Variants in ZNF581 observed in about 807,000 individuals in gnomAD.
ZNF581 encodes the protein zinc finger protein 581.
In ZNF581, 1 loss-of-function variant was observed where a neutral mutation model predicts 1.2. The ratio of observed to expected loss-of-function variants is 0.83; its 90% CI spans 0.30 to 3.95. The LOEUF (loss-of-function observed/expected upper bound fraction) is 3.95, where lower values mean the gene tolerates loss of function less well. Among genes scored for constraint, ZNF581 ranks in the 30% most tolerant of loss-of-function variants. The pLI is 0.18. For missense variants in ZNF581, 273 were observed against 274.6 expected, an observed-to-expected ratio of 0.99 and a Z score of 0.04; for synonymous variants, 105 against 109.2, an observed-to-expected ratio of 0.96 and a Z score of 0.24.
rs1982788572 is a variant in ZNF581 at position 55,645,342 on chromosome 19, C to T, written c.*177C>T. On this transcript the variant is annotated 3_prime_UTR_variant, in exon 2 of 2. Transcript: ENST00000270451. The stretch of plus-strand genomic sequence containing the variant: ...AGGAATCCGTGAGTAATCTTCAGGT[C>T]CTCCGTGTTCTGGAGCTGAGATGGG... 5.6e-6 allele frequency: 3 copies of T among 533,094 alleles called. No individual in the cohort carries two copies. Among genetic ancestry groups the T allele is most frequent in the Non-Finnish European group, 9.8e-6 (3 of 305,510 alleles). The allele number at this position is 533,094 out of a possible 1,614,324, so 33.0% of individuals were successfully genotyped here. A position where few individuals can be genotyped will look rare whatever the true frequency, so the allele number is the denominator to read the frequency against.
At chr19:55,639,006 CAAAAAAAAA>C (rs753198174), upstream of ZNF581, among the ~76,000 whole-genome samples, 13 of 88,202 alleles carry the variant, frequency 1.5e-4, no homozygotes, top group Non-Finnish European at 2.0e-4. Flanking sequence ...ACTCCATCTC[CAAAAAAAAA>C]AAAAAAAAAG....
chr19:55,644,701 G>T lies in ZNF581; in HGVS notation c.130G>T (p.Ala44Ser). 6.2e-7 allele frequency: 1 copy of T among 1,613,768 alleles called. No individual in the cohort carries two copies. The highest frequency in any genetic ancestry group is 8.5e-7 in the Non-Finnish European group (1 of 1,179,872). ...GPSSSIGSPQ[A>S]SSPPRPNHYL... ...TTCCTCCTCCATCGGATCTCCCCAG[G>T]CTTCATCTCCTCCAAGGCCCAACCA... is the stretch of plus-strand genomic sequence containing the variant. Residue 44 changes from alanine to serine, a missense_variant, in exon 2 of 2, where the codon GCT becomes TCT. Ala to Ser is a moderately conservative substitution (Grantham distance 99). Transcript: ENST00000270451. The surrounding 1 kb of genome is among the most constrained non-coding windows in gnomAD (Gnocchi z 4.3).
chr19:55,643,674 C>G lies in ZNF581; in HGVS notation c.-120C>G, dbSNP rs577199182. 1.3e-5 allele frequency: 2 copies of G among 152,422 alleles called. No homozygotes were observed. Among genetic ancestry groups the G allele is most frequent in the Non-Finnish European group, 2.9e-5 (2 of 68,198 alleles). 9.4% of individuals were successfully genotyped at this position (152,422 alleles called of 1,614,324 possible). ...CTCTTTCGGCCGGCGCCGCCAGTTCCTGGGGCACACCCAGAGGTCCCCTTC... is the reference window on the plus strand; with the variant it reads ...CTCTTTCGGCCGGCGCCGCCAGTTCGTGGGGCACACCCAGAGGTCCCCTTC... On this transcript the variant is annotated 5_prime_UTR_variant, in exon 1 of 2. Transcript: ENST00000270451.
upstream of ZNF581, chr19:55,640,687 C>G: frequency 3.0e-6 from 3 of 985,480 alleles, no homozygotes; most frequent in Non-Finnish European, 3.6e-6. Flanking sequence ...CATCCCTTCT[C>G]CCGCCCTCTA....
upstream of ZNF581, chr19:55,642,636 CG>C: frequency 7.0e-7 from 1 of 1,436,112 alleles, no homozygotes; most frequent in Non-Finnish European, 9.1e-7. Context: ...TCCTCGGCGG[CG>C]GGGCCCCGAC....
At chr19:55,638,087 G>A (rs1455178101), upstream of ZNF581, among the ~76,000 whole-genome samples, 3 of 152,142 alleles carry the variant, frequency 2.0e-5, no homozygotes, top group Non-Finnish European at 4.4e-5. Context: ...ATTGGTTTAC[G>A]GTTCTGCAGG....
upstream of ZNF581, chr19:55,642,472 C>G: frequency 7.1e-7 from 1 of 1,403,714 alleles, no homozygotes; most frequent in Non-Finnish European, 9.3e-7. Context: ...GCAATTTTAA[C>G]TAATCTCCCC....
upstream of ZNF581, among the ~76,000 whole-genome samples, chr19:55,636,084 A>C (rs1982074428): frequency 6.6e-6 from 1 of 152,236 alleles, no homozygotes; most frequent in African/African-American, 2.4e-5. Flanking sequence ...AGGGCCTCAA[A>C]TTCTAGGCTG....
At chr19:55,639,063 A>C (rs1445276304), upstream of ZNF581, among the ~76,000 whole-genome samples, 1 of 151,568 alleles carries the variant, frequency 6.6e-6, no homozygotes, top group Admixed American at 6.6e-5. Context: ...CATCTTAACT[A>C]TATCAGGGAT....
At chr19:55,639,508 A>G (rs571595817), upstream of ZNF581, among the ~76,000 whole-genome samples, 7 of 152,342 alleles carry the variant, frequency 4.6e-5, no homozygotes, top group African/African-American at 1.7e-4. Context: ...CAAACCAAAT[A>G]TAACTGTGAG....
At chr19:55,641,112 C>T (rs944148075), upstream of ZNF581, 12 of 985,120 alleles carry the variant, frequency 1.2e-5, no homozygotes, top group Non-Finnish European at 1.4e-5. Context: ...GCCGCCGGCG[C>T]TCGCCAGGGG....
In ZNF581 at chr19:55,645,281, G is replaced by A. The variant is rs981568376; in HGVS notation, c.*116G>A. ...TCAGGGCCCTGGACACAGACACAGA[G>A]CAGCCGCATCTCAAAGGCAGAGCCC... On this transcript the variant is annotated 3_prime_UTR_variant, in exon 2 of 2. Transcript: ENST00000270451. 17 of 883,306 alleles carry A rather than the reference G, an allele frequency of 1.9e-5. No homozygotes were observed. The African/African-American group carries it at 2.9e-4, about 15-fold the overall frequency. The allele number at this position is 883,306 out of a possible 1,614,324, so 54.7% of individuals were successfully genotyped here.
chr19:55,640,150 C>G (rs1395086773), upstream of ZNF581: 48 of 985,376 alleles, frequency 4.9e-5, no homozygotes, highest in Non-Finnish European at 5.4e-5. Flanking sequence ...GCTGCTGCTG[C>G]CGCCCTCCTG....
At chr19:55,640,149 G>T (rs1049183907), upstream of ZNF581, 48 of 985,346 alleles carry the variant, frequency 4.9e-5, no homozygotes, top group Non-Finnish European at 5.4e-5. Context: ...TGCTGCTGCT[G>T]CCGCCCTCCT....
At chr19:55,640,343 C>T, upstream of ZNF581, 1 of 985,154 alleles carries the variant, frequency 1.0e-6, no homozygotes, top group Non-Finnish European at 1.2e-6. Flanking sequence ...CGCGAGCCCG[C>T]ATCAGGCTTC....
At chr19:55,636,953 G>A (rs1982128254), upstream of ZNF581, among the ~76,000 whole-genome samples, 2 of 152,132 alleles carry the variant, frequency 1.3e-5, no homozygotes, top group South Asian at 4.1e-4. Flanking sequence ...GCAGCTGGGG[G>A]GCCAGTCTAC....
At chr19:55,637,981 T>C (rs1568534417), upstream of ZNF581, among the ~76,000 whole-genome samples, 2 of 152,202 alleles carry the variant, frequency 1.3e-5, no homozygotes, top group Non-Finnish European at 2.9e-5. Flanking sequence ...CCACTAGTTA[T>C]ATGGTCTGAA....
upstream of ZNF581, among the ~76,000 whole-genome samples, chr19:55,641,471 G>A (rs1369641713): frequency 6.6e-6 from 1 of 152,202 alleles, no homozygotes; most frequent in Non-Finnish European, 1.5e-5. Flanking sequence ...AGAACGGGCG[G>A]GGGACCACGC....
chr19:55,645,394 C>T lies in ZNF581; in HGVS notation c.*229C>T, dbSNP rs940711328. 6 of 444,564 alleles carry T rather than the reference C, an allele frequency of 1.3e-5. No homozygotes were observed. Among genetic ancestry groups the T allele is most frequent in the Non-Finnish European group, 2.1e-5 (5 of 243,350 alleles). 27.5% of individuals were successfully genotyped at this position (444,564 alleles called of 1,614,324 possible). ...ATGAGCCCCTACACAGAATGGAGTC[C>T]TCTAGCCTAAAGATATCAGCTGTTC... On this transcript the variant is annotated 3_prime_UTR_variant, in exon 2 of 2. Coordinates refer to ENST00000270451, the MANE Select transcript of ZNF581 (RefSeq NM_016535.4).
Sources: allele counts gnomAD v4.1 joint callset (sites outside exome capture counted in the v4.1 genomes callset), GRCh38; gene constraint gnomAD v4.1.1; non-coding constraint Gnocchi (gnomAD v3.1); transcripts MANE v1.5; gene names NCBI Gene and HGNC (gene_info 2026-07-23, HGNC 2026-07-21).